SUN5: variants seen among roughly 807,000 people sequenced by gnomAD.
SUN5 encodes SUN domain-containing protein 5.
Under a neutral mutation model 53.7 loss-of-function variants are expected in SUN5, and 44 were observed. That is an observed-to-expected ratio of 0.82 (90% CI 0.64 to 1.05). The LOEUF (loss-of-function observed/expected upper bound fraction) is 1.05, where lower values mean the gene tolerates loss of function less well. Among genes scored for constraint, SUN5 ranks in the 50% least tolerant of loss-of-function variants. The pLI is 0.00. For missense variants in SUN5, 433 were observed against 483.8 expected (o/e 0.90, Z 0.98); for synonymous variants, 166 against 179.8 (o/e 0.92, Z 0.62).
intron 12 of SUN5, among the ~76,000 whole-genome samples, chr20:32,984,720 T>A (rs764890995): frequency 6.6e-6 from 1 of 152,168 alleles, no homozygotes; most frequent in Non-Finnish European, 1.5e-5. Context: ...AGGCCTCAGT[T>A]TCCCCACCTG....
rs577279537 is a variant in SUN5 at position 33,003,749 on chromosome 20, T to G, written c.77+515A>C. ...GGTAACATTCCTGAATAATATAAAT[T>G]AAAAGAGGATGAAAGACATACATTC... On this transcript the variant is annotated intron_variant, in intron 1 of 12. Coordinates refer to ENST00000356173, the MANE Select transcript of SUN5 (RefSeq NM_080675.4). Among the ~76,000 whole-genome samples the G allele has an allele frequency of 2.6e-5, 4 of 152,254 alleles. No individual in the cohort carries two copies. The South Asian group carries it at 8.3e-4, about 32-fold the overall frequency.
At position 32,989,650 on chromosome 20, in the gene SUN5, C is replaced by T. The variant is rs746468014; in HGVS notation, c.583G>A (p.Glu195Lys). Reference sequence around the variant, plus strand: ...GACTTCAGGGCAAAGTCTGGCTTTTCGATGTAATCTCCGTGTATCATCTTC... The same window carrying T: ...GACTTCAGGGCAAAGTCTGGCTTTTTGATGTAATCTCCGTGTATCATCTTC... ...IMKMIHGDYI[E>K]KPDFALKSIG... Residue 195 changes from glutamate to lysine, a missense_variant, in exon 9 of 13, where the codon GAA (glutamate) becomes AAA (lysine). By Grantham distance (56) the Glu-to-Lys change is moderately conservative (BLOSUM62 1). Coordinates refer to ENST00000356173, the MANE Select transcript of SUN5 (RefSeq NM_080675.4). 2.4e-5 allele frequency: 39 copies of T among 1,613,828 alleles called. No homozygotes were observed. The highest frequency in any genetic ancestry group is 1.3e-4 in the South Asian group (12 of 91,074).
At chr20:32,989,124 A>G (rs555560294) in intron 9 of SUN5, among the ~76,000 whole-genome samples, 1 of 151,130 alleles carries the variant, frequency 6.6e-6, no homozygotes, top group Admixed American at 6.6e-5. Context: ...ACGGGGTTTC[A>G]CCGTGTTAGC....
chr20:33,000,250 C>T lies in SUN5; in HGVS notation c.279-115G>A, dbSNP rs1346905611. The stretch of plus-strand genomic sequence containing the variant: ...CATGCTGTTTGCCCTATCCCTTCTT[C>T]TCTCCCTGGTAAACGTGTCCTTCAG... On this transcript the variant is annotated intron_variant, in intron 4 of 12. Transcript: ENST00000356173. 3.2e-6 allele frequency: 4 copies of T among 1,254,406 alleles called. No individual in the cohort carries two copies. The East Asian group carries it at 1.0e-4, about 32-fold the overall frequency. The allele number at this position is 1,254,406 out of a possible 1,614,324, so 77.7% of individuals were successfully genotyped here.
At chr20:32,990,796 C>T (rs1989691502) in intron 8 of SUN5, among the ~76,000 whole-genome samples, 1 of 152,186 alleles carries the variant, frequency 6.6e-6, no homozygotes. Flanking sequence ...GCCCCAGATA[C>T]CATGGAACAC....
chr20:32,984,955 G>T (rs1989494462), intron 12 of SUN5, 144 bp downstream of exon 12: 3 of 812,518 alleles, frequency 3.7e-6, no homozygotes, highest in Non-Finnish European at 5.8e-6. Flanking sequence ...TACTCTCTGA[G>T]CCTCAGTTTC....
intron 8 of SUN5, among the ~76,000 whole-genome samples, chr20:32,991,419 G>A (rs979182895): frequency 6.6e-6 from 1 of 152,224 alleles, no homozygotes; most frequent in African/African-American, 2.4e-5. Context: ...TCTTCTAGAT[G>A]AAGAAACTGA....
chr20:33,001,398 T>C (rs939845609), intron 3 of SUN5, 120 bp from the exon 4 acceptor site: 1 of 1,127,356 alleles, frequency 8.9e-7, no homozygotes. Context: ...TCTCGACTTG[T>C]TGGCCGAGCC....
rs1990094028 is a variant in SUN5 at position 33,002,981 on chromosome 20, T to C, written c.78-62A>G. 16 of 1,568,028 alleles carry C rather than the reference T, an allele frequency of 1.0e-5. No homozygotes were observed. In the South Asian group the frequency reaches 1.6e-4, roughly 16 times the overall value. On this transcript the variant is annotated intron_variant, in intron 1 of 12. Coordinates refer to ENST00000356173, the MANE Select transcript of SUN5 (RefSeq NM_080675.4). ...TATGAGGAACATAGTGTCCTTGGAATGTGCATACCACGTTCCAGATTGGGA... is the reference window on the plus strand; with the variant it reads ...TATGAGGAACATAGTGTCCTTGGAACGTGCATACCACGTTCCAGATTGGGA...
chr20:33,001,651 C>CTCCCTCCT (rs1273693775), intron 3 of SUN5, among the ~76,000 whole-genome samples: 5 of 122,364 alleles, frequency 4.1e-5, no homozygotes, highest in African/African-American at 9.5e-5. Flanking sequence ...TCCTCCCTCC[C>CTCCCTCCT]TCCCTCCCTC....
chr20:32,994,803 GCA>G (rs1568966947), intron 8 of SUN5, among the ~76,000 whole-genome samples: 2 of 151,298 alleles, frequency 1.3e-5, no homozygotes, highest in East Asian at 2.0e-4. Context: ...GGTGTAGGAT[GCA>G]CTTGAACCCA....
At chr20:32,988,498 C>G (rs1056948651) in intron 9 of SUN5, among the ~76,000 whole-genome samples, 3 of 152,206 alleles carry the variant, frequency 2.0e-5, no homozygotes, top group African/African-American at 7.2e-5. Context: ...CAAACGTTCT[C>G]CTGAGAGGGA....
intron 1 of SUN5, 101 bp downstream of exon 1, chr20:33,004,163 C>T (rs1165743268): frequency 2.3e-6 from 3 of 1,293,304 alleles, no homozygotes; most frequent in Non-Finnish European, 2.1e-6. Context: ...TGTCTCTGTA[C>T]AGTACAGTTG....
Position 32,983,893 on chromosome 20 carries a change from C to G in SUN5, c.1041G>C (p.Gly347=). ...AVKVKISSNW[G]NPGFTCLYRV... ...GGTACAGGCAAGTGAAGCCTGGGTTCCCCCAGTTGCTTGAGATCTTCACCT... is the reference window on the plus strand; with the variant it reads ...GGTACAGGCAAGTGAAGCCTGGGTTGCCCCAGTTGCTTGAGATCTTCACCT... The change falls in exon 13 of 13, where the codon GGG becomes GGC. Residue 347 remains glycine (G), a synonymous_variant. Transcript: ENST00000356173. 6.3e-7 allele frequency: 1 copy of G among 1,598,720 alleles called. No homozygotes were observed. The highest frequency in any genetic ancestry group is 8.5e-7 in the Non-Finnish European group (1 of 1,172,524).
At position 33,001,084 on chromosome 20, in the gene SUN5, A is replaced by G. The variant is rs1989992943; in HGVS notation, c.278+128T>C. 3.7e-6 allele frequency: 4 copies of G among 1,082,620 alleles called. No individual in the cohort carries two copies. The Admixed American group carries it at 8.5e-5, about 23-fold the overall frequency. The allele number at this position is 1,082,620 out of a possible 1,614,324, so 67.1% of individuals were successfully genotyped here. Reference sequence around the variant, plus strand: ...TTCTGGGGTGGGAGTGTTTGATAAAAGCCAGGTTTGGGATAGCTTTTCTGG... The same window carrying G: ...TTCTGGGGTGGGAGTGTTTGATAAAGGCCAGGTTTGGGATAGCTTTTCTGG... On this transcript the variant is annotated intron_variant, in intron 4 of 12. Coordinates refer to ENST00000356173, the MANE Select transcript of SUN5 (RefSeq NM_080675.4).
At chr20:32,986,109 G>A (rs754080389) in intron 10 of SUN5, among the ~76,000 whole-genome samples, 1 of 152,176 alleles carries the variant, frequency 6.6e-6, no homozygotes, top group Non-Finnish European at 1.5e-5. Flanking sequence ...AGTAAGGGAG[G>A]GGCCTGCTTG....
intron 11 of SUN5, 44 bp downstream of exon 11, chr20:32,985,692 T>A (rs1441251314): frequency 6.2e-7 from 1 of 1,600,830 alleles, no homozygotes; most frequent in East Asian, 2.2e-5. Flanking sequence ...CATTGGAAGG[T>A]TGTCCCTTTA....
At position 33,004,256 on chromosome 20, in the gene SUN5, A is replaced by G. The variant is rs1990127573; in HGVS notation, c.77+8T>C. On this transcript the variant is annotated splice_region_variant and intron_variant, in intron 1 of 12. Transcript: ENST00000356173. ...GGGCTGGGCAAAGGGAGGGGCTGCC[A>G]TCCTCACCTCCGGGGTCTGGGATTG... 1.3e-6 allele frequency: 2 copies of G among 1,561,432 alleles called. No individual in the cohort carries two copies. Among genetic ancestry groups the G allele is most frequent in the Non-Finnish European group, 1.7e-6 (2 of 1,152,376 alleles).
At chr20:32,988,969 A>G (rs1989625262) in intron 9 of SUN5, among the ~76,000 whole-genome samples, 2 of 151,734 alleles carry the variant, frequency 1.3e-5, no homozygotes, top group South Asian at 4.2e-4. Flanking sequence ...TCTGTCGCCC[A>G]GGCTGGAGTG....
Sources: gnomAD v4.1 joint callset for allele counts (sites outside exome capture counted in the v4.1 genomes callset) on GRCh38, gnomAD v4.1.1 for gene constraint, MANE v1.5 for transcripts, NCBI Gene and HGNC (gene_info 2026-07-23, HGNC 2026-07-21) for gene names.